The following LRRC23 variants were observed in gnomAD, a reference collection of about 807,000 sequenced individuals.
LRRC23 encodes the protein leucine rich repeat containing 23.
A neutral mutation model predicts 37.7 loss-of-function variants in LRRC23; 28 were observed. The observed-to-expected ratio is 0.74, with a 90% CI of 0.55 to 1.02. LRRC23 has a LOEUF of 1.02. Among genes scored for constraint, LRRC23 ranks in the 50% least tolerant of loss-of-function variants. The probability of loss-of-function intolerance (pLI) is 0.00; values close to 1 mark genes in which losing one functional copy is unlikely to be tolerated. For missense variants in LRRC23, 377 were observed against 413.2 expected (o/e 0.91, Z 0.76); for synonymous variants, 161 against 165.4 (o/e 0.97, Z 0.20).
Position 6,913,551 on chromosome 12 carries a change from GTTTGTTTTTTTT to G in LRRC23, c.*25-336_*25-325del, listed in dbSNP as rs1176851535. Among the ~76,000 whole-genome samples, 214 of 78,154 alleles carry G rather than the reference GTTTGTTTTTTTT, an allele frequency of 2.7e-3. 25 individuals are homozygous for G. Among genetic ancestry groups the G allele is most frequent in the African/African-American group, 0.01 (196 of 19,530 alleles). 51.3% of individuals were successfully genotyped at this position (78,154 alleles called of 152,430 possible). The stretch of plus-strand genomic sequence containing the variant: ...TAGGGGAGAGGCTTTATTTACCTCT[GTTTGTTTTTTTT>G]TTTTTTTTTTTTTTTTTTTTGCGAG... On this transcript the variant is annotated intron_variant, in intron 7 of 7. Coordinates refer to ENST00000443597, the MANE Select transcript of LRRC23 (RefSeq NM_001135217.2).
intron 2 of LRRC23, 37 bp downstream of exon 2, chr12:6,905,796 G>A: frequency 6.2e-7 from 1 of 1,612,596 alleles, no homozygotes; most frequent in Non-Finnish European, 8.5e-7. Context: ...TAGGGCTGAA[G>A]GAGGGGGTTG....
chr12:6,913,555 GTTTTTTTTTTTTTT>G (rs869177982), intron 7 of LRRC23, among the ~76,000 whole-genome samples: 2 of 76,364 alleles, frequency 2.6e-5, no homozygotes, highest in Non-Finnish European at 4.9e-5. Flanking sequence ...ACCTCTGTTT[GTTTTTTTTTTTTTT>G]TTTTTTTTTT....
Position 6,904,938 on chromosome 12 carries a change from G to GCCCCGTCC in LRRC23, c.-186_-185insCCCGTCCC, listed in dbSNP as rs1565550674. ...GCTCTACTCTCAACGGTGGCGAGCT[G>GCCCCGTCC]CAGTTGCCAAGTGCCCCGTCCCCGT... On this transcript the variant is annotated 5_prime_UTR_variant, in exon 1 of 8. Coordinates refer to ENST00000443597, the MANE Select transcript of LRRC23 (RefSeq NM_001135217.2). 6.6e-6 allele frequency: 1 copy of GCCCCGTCC among 152,350 alleles called. No homozygotes were observed. Among genetic ancestry groups the GCCCCGTCC allele is most frequent in the Non-Finnish European group, 1.5e-5 (1 of 68,126 alleles). 9.4% of individuals were successfully genotyped at this position (152,350 alleles called of 1,614,324 possible). A position where few individuals can be genotyped will look rare whatever the true frequency, so the allele number is the denominator to read the frequency against.
At chr12:6,906,278 C>T in intron 3 of LRRC23, 131 bp from the exon 4 acceptor site, 2 of 882,158 alleles carry the variant, frequency 2.3e-6, no homozygotes, top group East Asian at 2.4e-5. Context: ...TTCTTCTCCC[C>T]TACCATCTGT....
In LRRC23 at chr12:6,906,735, T is replaced by C. The variant is rs1944960204; in HGVS notation, c.490+73T>C. ...AGGCCAACAGAAGTGGGCAGTATGG[T>C]CCTTGGCTAGGGCACATGGCAGTCT... On this transcript the variant is annotated intron_variant, in intron 4 of 7. Transcript: ENST00000443597. The C allele has an allele frequency of 2.0e-6, 3 of 1,525,514 alleles. No individual in the cohort carries two copies. In the South Asian group the frequency reaches 3.7e-5, roughly 19 times the overall value. The allele number at this position is 1,525,514 out of a possible 1,614,324, so 94.5% of individuals were successfully genotyped here.
At chr12:6,909,803 T>C in intron 5 of LRRC23, 87 bp from the exon 6 acceptor site, 1 of 1,304,396 alleles carries the variant, frequency 7.7e-7, no homozygotes, top group East Asian at 2.4e-5. Context: ...CTCTTGGATT[T>C]CCTCTTTTGC....
intron 5 of LRRC23, among the ~76,000 whole-genome samples, chr12:6,909,068 TATATTATATA>T (rs1565553311): frequency 2.9e-4 from 15 of 50,996 alleles, no homozygotes; most frequent in South Asian, 2.5e-3. Context: ...TATATAAATA[TATATTATATA>T]TTATATAATT....
At position 6,905,755 on chromosome 12, in the gene LRRC23, A is replaced by G. The variant is rs781866361; in HGVS notation, c.122A>G (p.Glu41Gly). 1 of 1,610,662 alleles carries G rather than the reference A, an allele frequency of 6.2e-7. No homozygotes were observed. Among genetic ancestry groups the G allele is most frequent in the South Asian group, 1.1e-5 (1 of 91,020 alleles). The change falls in exon 2 of 8, where the codon GAG (glutamate) becomes GGG (glycine). Residue 41 changes from glutamate (E) to glycine (G), a missense_variant. Glu to Gly is a moderately conservative substitution (Grantham distance 98). This residue lies in a region of LRRC23 where 106 missense variants were observed against 105.9 expected (regional missense o/e 1.00). Transcript: ENST00000443597. ...AGAAAAGAGGGGGAAGAGTTCCCTGAGGAAGTGAGAGCCTGGACAAGGAGG... is the reference window on the plus strand; with the variant it reads ...AGAAAAGAGGGGGAAGAGTTCCCTGGGGAAGTGAGAGCCTGGACAAGGAGG... ...DYRKEGEEFP[E>G]EWLPTPLTED...
At position 6,907,420 on chromosome 12, in the gene LRRC23, T is replaced by C; in HGVS notation, c.596T>C (p.Leu199Pro). Reference protein sequence around the residue: ...NQLESTLGINLPKLKNLYLAQ... With the variant: ...NQLESTLGINPPKLKNLYLAQ... Reference sequence around the variant, plus strand: ...CTGGAAAGCACCCTGGGAATCAATCTTCCTAAGCTGAAGAACCTCTACCTG... The same window carrying C: ...CTGGAAAGCACCCTGGGAATCAATCCTCCTAAGCTGAAGAACCTCTACCTG... The change falls in exon 5 of 8, where the codon CTT (leucine) becomes CCT (proline). Residue 199 changes from leucine (L) to proline (P), a missense_variant. By Grantham distance (98) the Leu-to-Pro change is moderately conservative. Around this residue, in one of 3 missense-constraint regions of LRRC23, gnomAD observed 266 missense variants for 285.6 expected, o/e 0.93. Coordinates refer to ENST00000443597, the MANE Select transcript of LRRC23 (RefSeq NM_001135217.2). 6.2e-7 allele frequency: 1 copy of C among 1,613,940 alleles called. No individual in the cohort carries two copies. Among genetic ancestry groups the C allele is most frequent in the Non-Finnish European group, 8.5e-7 (1 of 1,179,968 alleles).
chr12:6,908,631 A>G (rs1945014399), intron 5 of LRRC23, among the ~76,000 whole-genome samples: 1 of 136,936 alleles, frequency 7.3e-6, no homozygotes, highest in Non-Finnish European at 1.5e-5. Flanking sequence ...CCAAAGAAAA[A>G]CACGGTGAAA....
At chr12:6,913,316 G>T (rs995839785) in intron 7 of LRRC23, 1 of 392,642 alleles carries the variant, frequency 2.5e-6, no homozygotes. Context: ...GAGTGAAGTC[G>T]GCTAGGAAAG....
In LRRC23 at chr12:6,905,836, T is replaced by C. The variant is rs1555139418; in HGVS notation, c.127-9T>C. 2 of 1,613,084 alleles carry C rather than the reference T, an allele frequency of 1.2e-6. No individual in the cohort carries two copies. Among genetic ancestry groups the C allele is most frequent in the South Asian group, 1.1e-5 (1 of 91,058 alleles). On this transcript the variant is annotated splice_polypyrimidine_tract_variant and intron_variant, in intron 2 of 7. Transcript: ENST00000443597. ...GGGGAGAGACACCTTACTCCACTTCTACCTGCAGTGGCTGCCCACCCCCCT... is the reference window on the plus strand; with the variant it reads ...GGGGAGAGACACCTTACTCCACTTCCACCTGCAGTGGCTGCCCACCCCCCT...
rs191155150 is a variant in LRRC23 at position 6,905,867 on chromosome 12, A to T, written c.149A>T (p.Glu50Val). 3.1e-6 allele frequency: 5 copies of T among 1,613,956 alleles called. No homozygotes were observed. In the East Asian group the frequency reaches 1.1e-4, roughly 36 times the overall value. The change falls in exon 3 of 8, where the codon GAG (glutamate) becomes GTG (valine). Residue 50 changes from glutamate (E) to valine (V), a missense_variant. Glu to Val is a moderately radical substitution (Grantham distance 121, BLOSUM62 -2). This residue lies in a region of LRRC23 where 106 missense variants were observed against 105.9 expected (regional missense o/e 1.00). Coordinates refer to ENST00000443597, the MANE Select transcript of LRRC23 (RefSeq NM_001135217.2). ...PEEWLPTPLT[E>V]DMMKEGLSLL... is the part of the protein sequence containing the mutation. Reference sequence around the variant, plus strand: ...CAGTGGCTGCCCACCCCCCTCACGGAGGACATGATGAAGGAAGGGCTTTCT... The same window carrying T: ...CAGTGGCTGCCCACCCCCCTCACGGTGGACATGATGAAGGAAGGGCTTTCT...
In LRRC23 at chr12:6,914,218, AAC is replaced by A. The variant is rs1305506426; in HGVS notation, c.*354_*355del. 3 of 651,114 alleles carry A rather than the reference AAC, an allele frequency of 4.6e-6. No homozygotes were observed. In the African/African-American group the frequency reaches 5.5e-5, roughly 12 times the overall value. 40.3% of individuals were successfully genotyped at this position (651,114 alleles called of 1,614,324 possible). A position where few individuals can be genotyped will look rare whatever the true frequency, so the allele number is the denominator to read the frequency against. ...GGGGTGTTCGGATTTCCAATAAAGA[AAC>A]AGAGTGATGCTCCTGTGTCTGACCG... On this transcript the variant is annotated 3_prime_UTR_variant, in exon 8 of 8. Coordinates refer to ENST00000443597, the MANE Select transcript of LRRC23 (RefSeq NM_001135217.2). The surrounding 1 kb of genome is among the most constrained non-coding windows in gnomAD (Gnocchi z 7.1).
chr12:6,913,204 G>A, intron 7 of LRRC23, 177 bp downstream of exon 7: 1 of 634,378 alleles, frequency 1.6e-6, no homozygotes, highest in South Asian at 2.0e-5. Context: ...AAGGGGCCTG[G>A]GACCAGCTGA....
chr12:6,909,617 TG>T (rs781946961), intron 5 of LRRC23, among the ~76,000 whole-genome samples: 29 of 147,374 alleles, frequency 2.0e-4, no homozygotes, highest in African/African-American at 7.0e-4. Flanking sequence ...TGGGGGCTCC[TG>T]GGCCGGGTAG....
In LRRC23 at chr12:6,913,903, G is replaced by T. The variant is rs782020273; in HGVS notation, c.*37G>T. On this transcript the variant is annotated 3_prime_UTR_variant, in exon 8 of 8. Coordinates refer to ENST00000443597, the MANE Select transcript of LRRC23 (RefSeq NM_001135217.2). ...CTTCTACCTCCAGGAGATCAAAGAC[G>T]CTGGCCTTCAGACCTGATCAGACTC... 1.9e-6 allele frequency: 3 copies of T among 1,592,982 alleles called. No individual in the cohort carries two copies. The highest frequency in any genetic ancestry group is 1.7e-6 in the Non-Finnish European group (2 of 1,171,056).
Position 6,913,551 on chromosome 12 carries a change from G to GTTTTTTTTTTTTT in LRRC23, c.*25-337_*25-336insTTTTTTTTTTTTT, listed in dbSNP as rs1248085636. On this transcript the variant is annotated intron_variant, in intron 7 of 7. Transcript: ENST00000443597. ...TAGGGGAGAGGCTTTATTTACCTCT[G>GTTTTTTTTTTTTT]TTTGTTTTTTTTTTTTTTTTTTTTT... 1.9e-3 allele frequency among the ~76,000 whole-genome samples: 149 copies of GTTTTTTTTTTTTT among 78,168 alleles called. 52 individuals carry two copies. The highest frequency in any genetic ancestry group is 6.5e-3 in the African/African-American group (127 of 19,544). 51.3% of individuals were successfully genotyped at this position (78,168 alleles called of 152,430 possible).
Position 6,913,551 on chromosome 12 carries a change from G to GTTTTTTTTTTTTTT in LRRC23, c.*25-337_*25-336insTTTTTTTTTTTTTT, listed in dbSNP as rs1248085636. 1.5e-3 allele frequency among the ~76,000 whole-genome samples: 121 copies of GTTTTTTTTTTTTTT among 78,174 alleles called. 43 individuals are homozygous for GTTTTTTTTTTTTTT. Among genetic ancestry groups the GTTTTTTTTTTTTTT allele is most frequent in the African/African-American group, 5.5e-3 (108 of 19,546 alleles). 51.3% of individuals were successfully genotyped at this position (78,174 alleles called of 152,430 possible). On this transcript the variant is annotated intron_variant, in intron 7 of 7. Coordinates refer to ENST00000443597, the MANE Select transcript of LRRC23 (RefSeq NM_001135217.2). ...TAGGGGAGAGGCTTTATTTACCTCT[G>GTTTTTTTTTTTTTT]TTTGTTTTTTTTTTTTTTTTTTTTT...
Sources: gnomAD v4.1 joint callset for allele counts (sites outside exome capture counted in the v4.1 genomes callset) on GRCh38, gnomAD v4.1.1 for gene constraint, gnomAD v4.1.1 regional missense constraint, Gnocchi (gnomAD v3.1) non-coding constraint, MANE v1.5 for transcripts, NCBI Gene and HGNC (gene_info 2026-07-23, HGNC 2026-07-21) for gene names.